The following PACRG variants were observed in gnomAD, a reference collection of about 807,000 sequenced individuals.
PACRG encodes the protein parkin coregulated.
Under a neutral mutation model 29.7 loss-of-function variants are expected in PACRG, and 29 were observed. The observed-to-expected ratio is 0.98, with a 90% CI of 0.73 to 1.33. The LOEUF is 1.33. Ranked by LOEUF, PACRG falls within the 40% of genes most tolerant of loss-of-function variation. The pLI is 0.00. For missense variants in PACRG, 279 were observed against 316.2 expected (o/e 0.88, Z 0.89); for synonymous variants, 116 against 118.7 (o/e 0.98, Z 0.15).
intron 4 of PACRG, among the ~76,000 whole-genome samples, chr6:163,203,130 G>C (rs1219603531): frequency 6.6e-6 from 1 of 152,122 alleles, no homozygotes; most frequent in East Asian, 1.9e-4. Flanking sequence ...ACCAGGCACG[G>C]CGGCTCACAC....
chr6:163,199,756 T>G (rs2128148768), intron 4 of PACRG, among the ~76,000 whole-genome samples: 2 of 152,326 alleles, frequency 1.3e-5, no homozygotes, highest in South Asian at 4.1e-4. Flanking sequence ...GAACTCATTC[T>G]TTAACTTAGC....
intron 2 of PACRG, among the ~76,000 whole-genome samples, chr6:162,904,282 G>A (rs186419008): frequency 1.5e-3 from 230 of 152,346 alleles, no homozygotes; most frequent in African/African-American, 5.0e-3. Context: ...GCAACATGGC[G>A]CAGCCACAGC....
intron 2 of PACRG, among the ~76,000 whole-genome samples, chr6:163,061,939 T>C (rs982680933): frequency 2.0e-5 from 3 of 152,184 alleles, no homozygotes; most frequent in African/African-American, 7.2e-5. Context: ...ATTTAACTGT[T>C]AAGGTCTAAA....
At chr6:162,809,019 A>AT (rs937324307) in intron 1 of PACRG, among the ~76,000 whole-genome samples, 3 of 151,854 alleles carry the variant, frequency 2.0e-5, no homozygotes, top group South Asian at 2.1e-4. Context: ...ATTTCGCTTG[A>AT]TTTTTTTTAT....
At chr6:163,314,441 G>C (rs562062659) in intron 4 of PACRG, among the ~76,000 whole-genome samples, 1 of 152,102 alleles carries the variant, frequency 6.6e-6, no homozygotes, top group Non-Finnish European at 1.5e-5. Flanking sequence ...TAAATCACAC[G>C]GAACGAACAG....
At chr6:163,141,271 G>A (rs2128334496) in intron 4 of PACRG, among the ~76,000 whole-genome samples, 1 of 152,180 alleles carries the variant, frequency 6.6e-6, no homozygotes, top group African/African-American at 2.4e-5. Flanking sequence ...ATACAAAGAT[G>A]AAAAGAGTTC....
intron 2 of PACRG, among the ~76,000 whole-genome samples, chr6:163,032,104 G>T (rs1214818634): frequency 6.6e-6 from 1 of 152,190 alleles, no homozygotes; most frequent in Non-Finnish European, 1.5e-5. Context: ...GGAGAAATCA[G>T]ATAGAGAGAA....
intron 2 of PACRG, among the ~76,000 whole-genome samples, chr6:162,892,872 C>T (rs559199301): frequency 2.6e-4 from 39 of 149,246 alleles, no homozygotes; most frequent in Non-Finnish European, 4.3e-4. Context: ...AGAAGAACCA[C>T]CTCAGCCTCA....
chr6:163,273,141 C>T (rs1322414090), intron 4 of PACRG, among the ~76,000 whole-genome samples: 1 of 146,570 alleles, frequency 6.8e-6, no homozygotes, highest in Non-Finnish European at 1.5e-5. Context: ...GATCCGCCCG[C>T]CTCGGCCTCC....
intron 1 of PACRG, among the ~76,000 whole-genome samples, chr6:162,747,352 A>ATG (rs1442561300): frequency 1.3e-5 from 1 of 74,634 alleles, no homozygotes; most frequent in African/African-American, 7.5e-5. Context: ...ATATATATAT[A>ATG]TATATATATA....
intron 2 of PACRG, among the ~76,000 whole-genome samples, chr6:162,884,043 T>A (rs1052813372): frequency 6.6e-6 from 1 of 152,110 alleles, no homozygotes; most frequent in Admixed American, 6.6e-5. Context: ...GCTCAAGCGA[T>A]CCTCCCACCT....
At chr6:162,884,881 C>G (rs1356213974) in intron 2 of PACRG, among the ~76,000 whole-genome samples, 1 of 152,162 alleles carries the variant, frequency 6.6e-6, no homozygotes, top group Non-Finnish European at 1.5e-5. Context: ...GGGGCCCAAG[C>G]TCATCTATTA....
chr6:163,247,307 C>T (rs1782733909), intron 4 of PACRG, among the ~76,000 whole-genome samples: 1 of 152,190 alleles, frequency 6.6e-6, no homozygotes, highest in African/African-American at 2.4e-5. Context: ...ACAGGCCTGC[C>T]ACAGCCCTGG....
In PACRG at chr6:163,164,293, C is replaced by A. The variant is rs572065862; in HGVS notation, c.613+74885C>A. Among the ~76,000 whole-genome samples the A allele has an allele frequency of 2.6e-5, 4 of 152,328 alleles. No individual in the cohort carries two copies. The South Asian group carries it at 8.3e-4, about 32-fold the overall frequency. On this transcript the variant is annotated intron_variant, in intron 4 of 4. Transcript: ENST00000366888. Reference sequence around the variant, plus strand: ...ATATCTCAGTCACATGTGTTCATGGCACAGCCTTTTCAGCTTCCATTTGGT... The same window carrying A: ...ATATCTCAGTCACATGTGTTCATGGAACAGCCTTTTCAGCTTCCATTTGGT...
At chr6:162,808,152 G>C (rs970704301) in intron 1 of PACRG, among the ~76,000 whole-genome samples, 3 of 152,194 alleles carry the variant, frequency 2.0e-5, no homozygotes, top group Non-Finnish European at 4.4e-5. Context: ...AAATGAGGCA[G>C]ATACTGAATT....
At chr6:163,155,853 C>T (rs1013805712) in intron 4 of PACRG, among the ~76,000 whole-genome samples, 1 of 152,220 alleles carries the variant, frequency 6.6e-6, no homozygotes, top group African/African-American at 2.4e-5. Flanking sequence ...TACTTGCTAG[C>T]CTTCTCAGCC....
chr6:163,051,966 G>A (rs186495270), intron 2 of PACRG: 4 of 152,218 alleles, frequency 2.6e-5, no homozygotes, highest in Non-Finnish European at 1.5e-5. Flanking sequence ...ATGTTAAAAA[G>A]TCTTAATTTT....
intron 4 of PACRG, among the ~76,000 whole-genome samples, chr6:163,177,453 G>A (rs563261602): frequency 9.9e-5 from 15 of 152,240 alleles, no homozygotes; most frequent in African/African-American, 3.1e-4. Flanking sequence ...AGGGAACAGA[G>A]TTTTCAGAAC....
chr6:163,222,730 G>GAACCA (rs1781639945), intron 4 of PACRG, among the ~76,000 whole-genome samples: 1 of 152,108 alleles, frequency 6.6e-6, no homozygotes, highest in South Asian at 2.1e-4. Flanking sequence ...TAAGAGATTT[G>GAACCA]AACCACTAAG....
Sources: gnomAD v4.1 joint callset for allele counts (sites outside exome capture counted in the v4.1 genomes callset) on GRCh38, gnomAD v4.1.1 for gene constraint, MANE v1.5 for transcripts, NCBI Gene and HGNC (gene_info 2026-07-23, HGNC 2026-07-21) for gene names.